TIAM1: variants seen among roughly 807,000 people sequenced by gnomAD.
TIAM1 encodes TIAM Rac1 associated GEF 1.
A neutral mutation model predicts 163.5 loss-of-function variants in TIAM1; 65 were observed. The ratio of observed to expected loss-of-function variants is 0.40; its 90% CI spans 0.33 to 0.49. The LOEUF (loss-of-function observed/expected upper bound fraction) is 0.49, where lower values mean the gene tolerates loss of function less well. Among genes scored for constraint, TIAM1 ranks in the 20% least tolerant of loss-of-function variants. The probability of loss-of-function intolerance (pLI) is 0.77; values close to 1 mark genes in which losing one functional copy is unlikely to be tolerated. For synonymous variants in TIAM1, 833 were observed against 810.1 expected (o/e 1.03, Z -0.48); for missense variants, 1,789 against 2,044.7 (o/e 0.87, Z 2.41).
intron 1 of TIAM1, among the ~76,000 whole-genome samples, chr21:31,553,673 T>G (rs540857230): frequency 1.3e-5 from 2 of 152,236 alleles, no homozygotes; most frequent in Non-Finnish European, 2.9e-5. Context: ...AGGTGAGGCC[T>G]GGGGCTGCAA....
At chr21:31,270,214 G>A (rs1454138730) in intron 3 of TIAM1, among the ~76,000 whole-genome samples, 3 of 151,952 alleles carry the variant, frequency 2.0e-5, no homozygotes, top group East Asian at 1.9e-4. Flanking sequence ...AATATTCCAC[G>A]CACGATAAAG....
intron 13 of TIAM1, among the ~76,000 whole-genome samples, chr21:31,190,415 A>G (rs983650045): frequency 2.0e-5 from 3 of 152,126 alleles, no homozygotes; most frequent in African/African-American, 7.2e-5. Flanking sequence ...CTGTCTCAAA[A>G]AAGAAACTAA....
rs185515333 is a variant in TIAM1, at chr21:31,427,031, C to A, written c.-369+36952G>T. Among the ~76,000 whole-genome samples, 3 of 152,212 alleles carry A rather than the reference C, an allele frequency of 2.0e-5. No individual in the cohort carries two copies. The East Asian group carries it at 5.8e-4, about 29-fold the overall frequency. ...CAACTCCTGGGCTCAAGCAATCCTC[C>A]CACCTCAGCCTCCTGAGTAGCTAAG... On this transcript the variant is annotated intron_variant, in intron 2 of 28. Transcript: ENST00000286827.
At chr21:31,243,189 T>G (rs1165050024) in intron 6 of TIAM1, among the ~76,000 whole-genome samples, 1 of 40,168 alleles carries the variant, frequency 2.5e-5, no homozygotes, top group Non-Finnish European at 4.6e-5. Context: ...CAAAACTTCA[T>G]CTCAAAAAAA....
Position 31,432,091 on chromosome 21 carries a change from C to CTTTTTTTT in TIAM1, c.-369+31884_-369+31891dup, listed in dbSNP as rs11291911. Among the ~76,000 whole-genome samples, 196 of 93,664 alleles carry CTTTTTTTT rather than the reference C, an allele frequency of 2.1e-3. 14 individuals are homozygous for CTTTTTTTT. The highest frequency in any genetic ancestry group is 8.6e-3 in the African/African-American group (188 of 21,780). 61.4% of individuals were successfully genotyped at this position (93,664 alleles called of 152,430 possible). On this transcript the variant is annotated intron_variant, in intron 2 of 28. Transcript: ENST00000286827. Reference sequence around the variant, plus strand: ...TGAACATGTCAAAAATCTAAGATTCCTTTTTTTTTTTTTTTTTTTTTTTTT... The same window carrying CTTTTTTTT: ...TGAACATGTCAAAAATCTAAGATTCCTTTTTTTTTTTTTTTTTTTTTTTTTTTTTTTTT...
intron 1 of TIAM1, among the ~76,000 whole-genome samples, chr21:31,521,962 C>T (rs1374489390): frequency 6.6e-6 from 1 of 152,006 alleles, no homozygotes; most frequent in African/African-American, 2.4e-5. Context: ...AGCTCCGCCT[C>T]CCGGGTTCAG....
chr21:31,156,473 G>T (rs1568936225), intron 16 of TIAM1, among the ~76,000 whole-genome samples: 1 of 152,082 alleles, frequency 6.6e-6, no homozygotes, highest in Non-Finnish European at 1.5e-5. Context: ...TCTCAACAAG[G>T]CTGTTAGAAA....
intron 15 of TIAM1, among the ~76,000 whole-genome samples, chr21:31,182,209 T>C (rs1364980512): frequency 6.6e-6 from 1 of 152,186 alleles, no homozygotes; most frequent in East Asian, 1.9e-4. Flanking sequence ...GGTGGATCTG[T>C]AGCAAAACAG....
chr21:31,479,906 T>G (rs2046058360), intron 1 of TIAM1, among the ~76,000 whole-genome samples: 1 of 152,166 alleles, frequency 6.6e-6, no homozygotes, highest in Admixed American at 6.5e-5. Flanking sequence ...CCACCTGAGA[T>G]GCCCCTACAC....
chr21:31,356,920 C>G (rs946594812), intron 2 of TIAM1, among the ~76,000 whole-genome samples: 54 of 152,192 alleles, frequency 3.5e-4, no homozygotes, highest in African/African-American at 1.3e-3. Context: ...GGGTTCGAGA[C>G]CAGGCTGGGC....
chr21:31,336,602 C>G (rs1236895048), intron 2 of TIAM1, among the ~76,000 whole-genome samples: 1 of 151,292 alleles, frequency 6.6e-6, no homozygotes, highest in Non-Finnish European at 1.5e-5. Context: ...GGGTTTTAAT[C>G]CCAAAAAGAA....
chr21:31,285,191 C>CA (rs371348176), intron 2 of TIAM1, among the ~76,000 whole-genome samples: 1 of 151,616 alleles, frequency 6.6e-6, no homozygotes, highest in African/African-American at 2.4e-5. Context: ...AAGCCACCCC[C>CA]CCAAGCCAAT....
At chr21:31,512,617 CTTTTT>C (rs35338359) in intron 1 of TIAM1, among the ~76,000 whole-genome samples, 10 of 121,746 alleles carry the variant, frequency 8.2e-5, no homozygotes, top group Admixed American at 3.5e-4. Flanking sequence ...TTTTTCTTTT[CTTTTT>C]TTTTTTTTTT....
intron 4 of TIAM1, among the ~76,000 whole-genome samples, chr21:31,258,914 A>C (rs181216224): frequency 9.9e-5 from 15 of 152,196 alleles, no homozygotes; most frequent in African/African-American, 3.4e-4. Flanking sequence ...CCCAAATGAC[A>C]ATGTGACAGG....
chr21:31,163,952 C>T (rs2084065409), intron 16 of TIAM1, among the ~76,000 whole-genome samples: 1 of 152,206 alleles, frequency 6.6e-6, no homozygotes, highest in South Asian at 2.1e-4. Flanking sequence ...AACAAAATCA[C>T]ACGCAATTGC....
intron 22 of TIAM1, among the ~76,000 whole-genome samples, chr21:31,140,153 C>T (rs2082781697): frequency 6.6e-6 from 1 of 151,996 alleles, no homozygotes; most frequent in South Asian, 2.1e-4. Flanking sequence ...TCATTAAGGA[C>T]AAAAAAATGA....
At chr21:31,122,825 T>C (rs1033446169) in intron 27 of TIAM1, among the ~76,000 whole-genome samples, 3 of 152,152 alleles carry the variant, frequency 2.0e-5, no homozygotes, top group Non-Finnish European at 4.4e-5. Context: ...CCGGCTACCA[T>C]TATTGGGTTC....
intron 16 of TIAM1, among the ~76,000 whole-genome samples, chr21:31,159,575 T>C (rs1244346643): frequency 5.3e-5 from 8 of 152,234 alleles, no homozygotes; most frequent in African/African-American, 1.9e-4. Context: ...ATGCGCTCCA[T>C]AATTTCAGAG....
chr21:31,335,507 C>T (rs141163432), intron 2 of TIAM1, among the ~76,000 whole-genome samples: 4 of 152,174 alleles, frequency 2.6e-5, no homozygotes, highest in African/African-American at 7.2e-5. Flanking sequence ...GAGTTCAAGA[C>T]CATCCTGGCC....
Sources: gnomAD v4.1 joint callset for allele counts (sites outside exome capture counted in the v4.1 genomes callset) on GRCh38, gnomAD v4.1.1 for gene constraint, MANE v1.5 for transcripts, NCBI Gene and HGNC (gene_info 2026-07-23, HGNC 2026-07-21) for gene names.